The following PPIL4 variants were observed in gnomAD, a reference collection of about 807,000 sequenced individuals.
PPIL4 encodes the protein peptidylprolyl isomerase like 4, also known as peptidyl-prolyl cis-trans isomerase-like 4.
In PPIL4, 50 loss-of-function variants were observed where a neutral mutation model predicts 69.1. The observed-to-expected ratio is 0.72, with a 90% CI of 0.58 to 0.92. The LOEUF is 0.92. Ranked by LOEUF, PPIL4 falls within the 40% of genes least tolerant of loss-of-function variation. The pLI is 0.00. For missense variants in PPIL4, 480 were observed against 587.9 expected (o/e 0.82, Z 1.90); for synonymous variants, 193 against 191.6 (o/e 1.01, Z -0.06).
chr6:149,526,017 T>C (rs932002735), intron 8 of PPIL4, among the ~76,000 whole-genome samples: 2 of 152,122 alleles, frequency 1.3e-5, no homozygotes, highest in African/African-American at 4.8e-5. Flanking sequence ...AAGAATCACT[T>C]GAACCCGGGA....
At chr6:149,535,270 G>A (rs1362984401) in intron 5 of PPIL4, among the ~76,000 whole-genome samples, 1 of 152,124 alleles carries the variant, frequency 6.6e-6, no homozygotes, top group Admixed American at 6.6e-5. Flanking sequence ...GCAGGAGAAT[G>A]GTGTGAACCC....
chr6:149,531,325 A>G (rs1417227502), intron 7 of PPIL4, among the ~76,000 whole-genome samples: 1 of 148,020 alleles, frequency 6.8e-6, no homozygotes, highest in Non-Finnish European at 1.5e-5. Context: ...AGATCGTGCC[A>G]TTGCACTCCA....
At chr6:149,514,275 C>T (rs910685566) in intron 11 of PPIL4, among the ~76,000 whole-genome samples, 2 of 152,178 alleles carry the variant, frequency 1.3e-5, no homozygotes, top group Non-Finnish European at 2.9e-5. Flanking sequence ...TTCCATAGCT[C>T]CCACCTATGA....
At position 149,546,009 on chromosome 6, in the gene PPIL4, G is replaced by A. The variant is rs746617211; in HGVS notation, c.-4C>T. Reference sequence around the variant, plus strand: ...TGGTCTCCAGTAGAACCGCCATGGCGCCCGCTCCTCCTCCGCTACAAACCC... The same window carrying A: ...TGGTCTCCAGTAGAACCGCCATGGCACCCGCTCCTCCTCCGCTACAAACCC... On this transcript the variant is annotated 5_prime_UTR_variant, in exon 1 of 13. Transcript: ENST00000253329. 1.9e-5 allele frequency: 30 copies of A among 1,573,508 alleles called. No individual in the cohort carries two copies. In the South Asian group the frequency reaches 2.2e-4, roughly 11 times the overall value.
At chr6:149,529,331 G>A (rs1188151697) in intron 7 of PPIL4, among the ~76,000 whole-genome samples, 4 of 152,156 alleles carry the variant, frequency 2.6e-5, no homozygotes, top group African/African-American at 4.8e-5. Context: ...GGTGGCACAC[G>A]CCTGTGGTCC....
intron 7 of PPIL4, 95 bp from the exon 8 acceptor site, chr6:149,526,871 C>T: frequency 8.2e-7 from 1 of 1,225,196 alleles, no homozygotes; most frequent in Non-Finnish European, 1.2e-6. Context: ...CTTAAAACAT[C>T]TAAATTTATG....
At chr6:149,544,999 ACAAGTATGCCATGCCT>A (rs995453785) in intron 1 of PPIL4, among the ~76,000 whole-genome samples, 2 of 152,096 alleles carry the variant, frequency 1.3e-5, no homozygotes, top group African/African-American at 2.4e-5. Flanking sequence ...TCTTCTCAAA[ACAAGTATGCCATGCCT>A]CAATCCTGCT....
chr6:149,533,595 C>T, intron 6 of PPIL4, 21 bp from the exon 7 acceptor site: 1 of 1,336,086 alleles, frequency 7.5e-7, no homozygotes, highest in Non-Finnish European at 1.1e-6. Context: ...AGAAGTTACT[C>T]ATGTATATAT....
chr6:149,525,338 T>C (rs1209843647), intron 8 of PPIL4, 129 bp from the exon 9 acceptor site: 1 of 531,058 alleles, frequency 1.9e-6, no homozygotes, highest in African/African-American at 2.0e-5. Context: ...AGATTATTTT[T>C]CCAAATTCAT....
At position 149,525,651 on chromosome 6, in the gene PPIL4, A is replaced by G. The variant is rs115630478; in HGVS notation, c.804-442T>C. 1.6e-3 allele frequency among the ~76,000 whole-genome samples: 237 copies of G among 152,292 alleles called. 1 individual carries two copies. The highest frequency in any genetic ancestry group is 5.3e-3 in the African/African-American group (222 of 41,552). On this transcript the variant is annotated intron_variant, in intron 8 of 12. Transcript: ENST00000253329. ...TAAGTTCAAGCTTTGAAATTTTTGA[A>G]TTTTAATATAAATCAAGCTCAAATT...
At chr6:149,537,705 C>CA (rs750622067) in intron 4 of PPIL4, among the ~76,000 whole-genome samples, 2,660 of 129,958 alleles carry the variant, frequency 0.02, 34 homozygotes, top group Non-Finnish European at 0.031. Context: ...GACTCCATCT[C>CA]AAAAAAAAAA....
At chr6:149,521,618 T>TA (rs1200563708) in intron 9 of PPIL4, among the ~76,000 whole-genome samples, 2 of 152,248 alleles carry the variant, frequency 1.3e-5, no homozygotes. Context: ...GACCTTTTTT[T>TA]ATCCACTTAG....
intron 9 of PPIL4, 147 bp from the exon 10 acceptor site, chr6:149,521,318 T>C (rs2115032000): frequency 1.7e-6 from 1 of 605,872 alleles, no homozygotes; most frequent in Non-Finnish European, 2.9e-6. Context: ...GCTTTGTATC[T>C]ATTACCTCAA....
chr6:149,526,326 G>A (rs946900135), intron 8 of PPIL4, among the ~76,000 whole-genome samples: 20 of 152,248 alleles, frequency 1.3e-4, no homozygotes, highest in African/African-American at 4.6e-4. Context: ...GGAGTTGAAT[G>A]AGATAAATAT....
At position 149,517,059 on chromosome 6, in the gene PPIL4, A is replaced by G. The variant is rs150459979; in HGVS notation, c.1079+295T>C. 20 of 194,380 alleles carry G rather than the reference A, an allele frequency of 1.0e-4. No individual in the cohort carries two copies. The Admixed American group carries it at 1.2e-3, about 12-fold the overall frequency. The allele number at this position is 194,380 out of a possible 1,614,324, so 12.0% of individuals were successfully genotyped here. A position where few individuals can be genotyped will look rare whatever the true frequency, so the allele number is the denominator to read the frequency against. ...AATCTTACCTGAAGATCTTCTGAGA[A>G]TATGATAAGTAGGAAAGTACTTAAC... On this transcript the variant is annotated intron_variant, in intron 11 of 12. Transcript: ENST00000253329.
rs1776957895 is a variant in PPIL4 at position 149,517,163 on chromosome 6, A to T, written c.1079+191T>A. 1.0e-5 allele frequency: 5 copies of T among 494,154 alleles called. No homozygotes were observed. The East Asian group carries it at 1.8e-4, about 18-fold the overall frequency. 30.6% of individuals were successfully genotyped at this position (494,154 alleles called of 1,614,324 possible). On this transcript the variant is annotated intron_variant, in intron 11 of 12. Transcript: ENST00000253329. ...TAACTTTCTCCATACACTAGAGTAT[A>T]GTGAAAAAGCAAAGTATATGTAAGA...
At chr6:149,520,368 C>G (rs1472403627) in intron 10 of PPIL4, among the ~76,000 whole-genome samples, 1 of 151,978 alleles carries the variant, frequency 6.6e-6, no homozygotes, top group Admixed American at 6.6e-5. Flanking sequence ...TGGACCTTTT[C>G]TATTTTGCAT....
chr6:149,537,935 G>A (rs1391649456), intron 4 of PPIL4, among the ~76,000 whole-genome samples: 1 of 152,092 alleles, frequency 6.6e-6, no homozygotes, highest in African/African-American at 2.4e-5. Context: ...TCACCCAGGA[G>A]CTCTGATGGA....
chr6:149,505,786 G>A, intron 12 of PPIL4, 82 bp from the exon 13 acceptor site: 1 of 1,336,604 alleles, frequency 7.5e-7, no homozygotes, highest in Non-Finnish European at 1.0e-6. Context: ...ACTTAGAAAA[G>A]TCTACCATTA....
Sources: allele counts gnomAD v4.1 joint callset (sites outside exome capture counted in the v4.1 genomes callset), GRCh38; gene constraint gnomAD v4.1.1; transcripts MANE v1.5; gene names NCBI Gene and HGNC (gene_info 2026-07-23, HGNC 2026-07-21).